Variants in VPS13C observed in about 807,000 individuals in gnomAD.
VPS13C encodes vacuolar protein sorting 13 homolog C, also known as intermembrane lipid transfer protein VPS13C.
A neutral mutation model predicts 456.8 loss-of-function variants in VPS13C; 358 were observed. The ratio of observed to expected loss-of-function variants is 0.78; its 90% CI spans 0.72 to 0.86. The LOEUF is 0.86. VPS13C is among the 40% of genes least tolerant of loss of function. The probability of loss-of-function intolerance (pLI) is 0.00; values close to 1 mark genes in which losing one functional copy is unlikely to be tolerated. For synonymous variants in VPS13C, 1,578 were observed against 1,486.7 expected, an observed-to-expected ratio of 1.06 and a Z score of -1.41; for missense variants, 4,818 against 4,385.4, an observed-to-expected ratio of 1.10 and a Z score of -2.79.
intron 50 of VPS13C, among the ~76,000 whole-genome samples, chr15:61,930,198 C>G (rs1382835381): frequency 6.6e-6 from 1 of 152,168 alleles, no homozygotes; most frequent in African/African-American, 2.4e-5. Context: ...AAATTTGAGT[C>G]TGAAAGTATT....
At chr15:61,866,681 A>C (rs1484721664) in intron 81 of VPS13C, 1 of 985,074 alleles carries the variant, frequency 1.0e-6, no homozygotes, top group Non-Finnish European at 1.2e-6. Context: ...TAACAGTTAC[A>C]TGTTTTGTTA....
intron 64 of VPS13C, 36 bp from the exon 65 acceptor site, chr15:61,909,161 T>C: frequency 1.2e-6 from 2 of 1,607,104 alleles, no homozygotes; most frequent in Non-Finnish European, 1.7e-6. Flanking sequence ...TTTGATGTAC[T>C]GGTTTAATCT....
intron 14 of VPS13C, among the ~76,000 whole-genome samples, chr15:62,007,891 G>T (rs939196333): frequency 1.3e-5 from 2 of 152,124 alleles, no homozygotes; most frequent in East Asian, 3.9e-4. Context: ...CAGATCACGA[G>T]GTCAAGATTT....
At chr15:61,946,441 C>T in intron 43 of VPS13C, 31 bp from the exon 44 acceptor site, 1 of 1,520,964 alleles carries the variant, frequency 6.6e-7, no homozygotes, top group Non-Finnish European at 8.9e-7. Context: ...ATAAACTTTT[C>T]ACCCAATCCA....
intron 52 of VPS13C, among the ~76,000 whole-genome samples, chr15:61,926,855 A>G (rs2043866393): frequency 1.3e-5 from 2 of 152,222 alleles, no homozygotes; most frequent in African/African-American, 4.8e-5. Context: ...ACACTACTCA[A>G]CAGAAGATGG....
chr15:61,871,079 G>C (rs774707780), intron 79 of VPS13C, among the ~76,000 whole-genome samples: 22 of 151,936 alleles, frequency 1.4e-4, no homozygotes, highest in Non-Finnish European at 2.8e-4. Context: ...CTTCATGGTT[G>C]TCCTTTGAAG....
chr15:61,937,038 C>G (rs2044249229), intron 47 of VPS13C, among the ~76,000 whole-genome samples: 1 of 152,146 alleles, frequency 6.6e-6, no homozygotes, highest in African/African-American at 2.4e-5. Context: ...CTATCTGTCC[C>G]ATTTCCCTAT....
intron 23 of VPS13C, 56 bp from the exon 24 acceptor site, chr15:61,977,255 T>C (rs2045731934): frequency 6.0e-6 from 6 of 1,000,914 alleles, no homozygotes; most frequent in South Asian, 3.9e-5. Context: ...CCATGGAACA[T>C]GGATAAATAT....
chr15:61,905,099 T>C (rs1324433205), intron 66 of VPS13C, among the ~76,000 whole-genome samples: 1 of 152,144 alleles, frequency 6.6e-6, no homozygotes, highest in Non-Finnish European at 1.5e-5. Flanking sequence ...AATAATGTAT[T>C]CTGTAGCTCA....
At chr15:61,886,007 T>G (rs1043796007) in intron 67 of VPS13C, among the ~76,000 whole-genome samples, 2 of 152,134 alleles carry the variant, frequency 1.3e-5, no homozygotes, top group African/African-American at 4.8e-5. Context: ...TTGAGGTTGT[T>G]CTGAATGTCT....
chr15:61,887,499 G>C (rs1896356178), intron 67 of VPS13C, among the ~76,000 whole-genome samples: 1 of 152,070 alleles, frequency 6.6e-6, no homozygotes, highest in Admixed American at 6.6e-5. Context: ...GATCAGCCTA[G>C]ACAACATGGT....
intron 53 of VPS13C, 32 bp downstream of exon 53, chr15:61,925,424 A>C: frequency 7.4e-7 from 1 of 1,349,114 alleles, no homozygotes; most frequent in Non-Finnish European, 1.0e-6. Context: ...AAAAATAAGA[A>C]TTTTCACTCA....
intron 38 of VPS13C, among the ~76,000 whole-genome samples, chr15:61,952,517 A>G (rs1456077041): frequency 6.6e-6 from 1 of 152,020 alleles, no homozygotes; most frequent in Non-Finnish European, 1.5e-5. Context: ...GTGTGTGTGT[A>G]TGTGTGTTTG....
At chr15:61,865,912 TAGG>T (rs1174416471) in intron 81 of VPS13C, 1 of 978,690 alleles carries the variant, frequency 1.0e-6, no homozygotes, top group East Asian at 1.1e-4. Context: ...AAGTAGTACT[TAGG>T]AGAAAAAGGA....
At chr15:61,885,504 G>A (rs575185079) in intron 67 of VPS13C, among the ~76,000 whole-genome samples, 39 of 152,234 alleles carry the variant, frequency 2.6e-4, no homozygotes, top group African/African-American at 9.1e-4. Context: ...TCAAACTGCT[G>A]TGTGGTAACA....
At chr15:61,932,746 A>T (rs2044103864) in intron 49 of VPS13C, among the ~76,000 whole-genome samples, 1 of 152,214 alleles carries the variant, frequency 6.6e-6, no homozygotes, top group African/African-American at 2.4e-5. Context: ...GAATGCTTTT[A>T]ACTTATGAAA....
intron 1 of VPS13C, among the ~76,000 whole-genome samples, chr15:62,047,530 AGTAACT>A (rs1267706995): frequency 3.9e-5 from 6 of 152,238 alleles, no homozygotes; most frequent in Non-Finnish European, 8.8e-5. Flanking sequence ...TCTAACAAAC[AGTAACT>A]GTAACAGTGA....
intron 66 of VPS13C, among the ~76,000 whole-genome samples, chr15:61,900,414 G>A (rs1163669756): frequency 6.6e-6 from 1 of 152,188 alleles, no homozygotes; most frequent in African/African-American, 2.4e-5. Flanking sequence ...CTTCAGCAAA[G>A]TCTCAGGATA....
chr15:61,964,011 A>T (rs1246081037), intron 31 of VPS13C, 60 bp from the exon 32 acceptor site: 1 of 1,121,448 alleles, frequency 8.9e-7, no homozygotes, highest in Non-Finnish European at 1.3e-6. Context: ...CATTCTTTTA[A>T]GGTTTATTCG....
Sources: allele counts gnomAD v4.1 joint callset (sites outside exome capture counted in the v4.1 genomes callset), GRCh38; gene constraint gnomAD v4.1.1; transcripts MANE v1.5; gene names NCBI Gene and HGNC (gene_info 2026-07-23, HGNC 2026-07-21).